CNTNAP2: variants seen among roughly 807,000 people sequenced by gnomAD.
The protein encoded by CNTNAP2 is contactin associated protein 2.
A neutral mutation model predicts 155.2 loss-of-function variants in CNTNAP2; 98 were observed. The ratio of observed to expected loss-of-function variants is 0.63; its 90% confidence interval spans 0.54 to 0.75. CNTNAP2 has a LOEUF of 0.75. CNTNAP2 is among the 30% of genes least tolerant of loss of function. The pLI, the probability that CNTNAP2 is intolerant of heterozygous loss-of-function variation, is 0.00. For missense variants in CNTNAP2, 1,727 were observed against 1,688.1 expected, an observed-to-expected ratio of 1.02 and a Z score of -0.40; for synonymous variants, 651 against 631.2, an observed-to-expected ratio of 1.03 and a Z score of -0.47.
At chr7:146,933,717 AC>A (rs1270136049) in intron 3 of CNTNAP2, among the ~76,000 whole-genome samples, 2 of 151,550 alleles carry the variant, frequency 1.3e-5, no homozygotes, top group African/African-American at 4.8e-5. Context: ...TCCAGAATCT[AC>A]AATGAACTCA....
intron 1 of CNTNAP2, among the ~76,000 whole-genome samples, chr7:146,612,931 C>CTTTTTTT (rs10593929): frequency 7.2e-6 from 1 of 139,362 alleles, no homozygotes; most frequent in Non-Finnish European, 1.5e-5. Context: ...TAACATCTGT[C>CTTTTTTT]TTTTTTTTTT....
intron 10 of CNTNAP2, among the ~76,000 whole-genome samples, chr7:147,440,599 T>C (rs535966558): frequency 1.3e-5 from 2 of 152,312 alleles, no homozygotes; most frequent in East Asian, 3.9e-4. Context: ...TTAACATTCT[T>C]TTCTTTCTGA....
At chr7:147,747,557 T>C (rs1014069912) in intron 13 of CNTNAP2, among the ~76,000 whole-genome samples, 11 of 152,222 alleles carry the variant, frequency 7.2e-5, no homozygotes, top group African/African-American at 2.7e-4. Flanking sequence ...GCAATAAACA[T>C]GGGAGTACAG....
intron 1 of CNTNAP2, among the ~76,000 whole-genome samples, chr7:146,674,766 T>A (rs1800368603): frequency 6.6e-6 from 1 of 152,072 alleles, no homozygotes. Context: ...AATCCCTGGG[T>A]GGCCGGAGTA....
At chr7:147,276,212 G>C (rs2116715581) in intron 8 of CNTNAP2, among the ~76,000 whole-genome samples, 1 of 135,378 alleles carries the variant, frequency 7.4e-6, no homozygotes, top group African/African-American at 2.8e-5. Flanking sequence ...AGGAAAGAAT[G>C]CCTCCTCCTT....
chr7:148,026,780 G>A (rs1197228003), intron 15 of CNTNAP2, among the ~76,000 whole-genome samples: 3 of 152,064 alleles, frequency 2.0e-5, no homozygotes, highest in African/African-American at 7.2e-5. Flanking sequence ...CTTGCTACAG[G>A]CTAGCAAGAT....
intron 12 of CNTNAP2, among the ~76,000 whole-genome samples, chr7:147,622,081 G>A (rs987771814): frequency 1.3e-5 from 2 of 151,930 alleles, no homozygotes; most frequent in Non-Finnish European, 2.9e-5. Context: ...TCAGCAAGAG[G>A]ATATAACAGT....
chr7:146,944,723 A>T (rs980520107), intron 3 of CNTNAP2, among the ~76,000 whole-genome samples: 2 of 151,980 alleles, frequency 1.3e-5, no homozygotes, highest in Non-Finnish European at 2.9e-5. Context: ...CTAAAAATAT[A>T]AAAAAATTGC....
At chr7:147,873,613 G>A (rs1423860678) in intron 13 of CNTNAP2, among the ~76,000 whole-genome samples, 2 of 152,174 alleles carry the variant, frequency 1.3e-5, no homozygotes, top group Non-Finnish European at 2.9e-5. Context: ...TACAATTCAA[G>A]ATGAGATTTG....
intron 9 of CNTNAP2, among the ~76,000 whole-genome samples, chr7:147,365,971 T>C (rs764819402): frequency 1.3e-5 from 2 of 152,236 alleles, no homozygotes; most frequent in Non-Finnish European, 2.9e-5. Flanking sequence ...GGCCGTTTTT[T>C]ATTCGGCACT....
intron 8 of CNTNAP2, among the ~76,000 whole-genome samples, chr7:147,277,388 A>T (rs2116718079): frequency 6.6e-6 from 1 of 151,964 alleles, no homozygotes; most frequent in East Asian, 1.9e-4. Context: ...CAAAAAGAAA[A>T]GAAAAACAGA....
chr7:146,688,889 C>T (rs1362455674), intron 1 of CNTNAP2, among the ~76,000 whole-genome samples: 3 of 152,086 alleles, frequency 2.0e-5, no homozygotes, highest in Non-Finnish European at 4.4e-5. Flanking sequence ...TAGCTGATTA[C>T]AGCATGCATG....
intron 1 of CNTNAP2, among the ~76,000 whole-genome samples, chr7:146,539,932 T>C (rs1204342013): frequency 6.6e-6 from 1 of 152,026 alleles, no homozygotes. Context: ...ATTAAGCCTG[T>C]CATGGTAAAG....
chr7:147,154,572 A>G (rs1215959584), intron 8 of CNTNAP2, among the ~76,000 whole-genome samples: 2 of 152,120 alleles, frequency 1.3e-5, no homozygotes, highest in Non-Finnish European at 2.9e-5. Context: ...AATTTTGTGC[A>G]CTCTAGTCTC....
chr7:147,832,864 TTA>T (rs1017106290), intron 13 of CNTNAP2, among the ~76,000 whole-genome samples: 6 of 148,240 alleles, frequency 4.0e-5, no homozygotes, highest in African/African-American at 1.5e-4. Flanking sequence ...TATACATATT[TTA>T]TATGTTATTT....
intron 1 of CNTNAP2, among the ~76,000 whole-genome samples, chr7:146,712,373 A>ATCTTATGTATACTATATAGTATACATG (rs1801109171): frequency 7.6e-6 from 1 of 131,784 alleles, no homozygotes; most frequent in African/African-American, 3.1e-5. Flanking sequence ...TAGTATACAT[A>ATCTTATGTATACTATATAGTATACATG]TCTTATGTAT....
chr7:146,465,668 G>A (rs1454633767), intron 1 of CNTNAP2, among the ~76,000 whole-genome samples: 1 of 152,148 alleles, frequency 6.6e-6, no homozygotes, highest in Non-Finnish European at 1.5e-5. Context: ...ATTTAAAAAT[G>A]GGATCTTCTG....
chr7:146,806,661 C>T (rs560349247), intron 2 of CNTNAP2, among the ~76,000 whole-genome samples: 1 of 152,284 alleles, frequency 6.6e-6, no homozygotes, highest in African/African-American at 2.4e-5. Flanking sequence ...ATCCAGTTCT[C>T]AAGTTTGATT....
At chr7:147,498,171 TAAAAA>T in intron 11 of CNTNAP2, among the ~76,000 whole-genome samples, 1 of 130,428 alleles carries the variant, frequency 7.7e-6, no homozygotes, top group African/African-American at 2.8e-5. Context: ...CAAGCTATGA[TAAAAA>T]AAAAAAAAAA....
Sources: gnomAD v4.1 joint callset for allele counts (sites outside exome capture counted in the v4.1 genomes callset) on GRCh38, gnomAD v4.1.1 for gene constraint, MANE v1.5 for transcripts, NCBI Gene and HGNC (gene_info 2026-07-23, HGNC 2026-07-21) for gene names.